Variants in FAM120A observed in about 807,000 individuals in gnomAD.
FAM120A encodes the protein constitutive coactivator of PPAR-gamma-like protein 1.
Under a neutral mutation model 109.7 loss-of-function variants are expected in FAM120A, and 15 were observed. That is an observed-to-expected ratio of 0.14 (90% CI 0.09 to 0.21). The LOEUF (loss-of-function observed/expected upper bound fraction) is 0.21. FAM120A is among the 10% of genes least tolerant of loss of function. The pLI, the probability that FAM120A is intolerant of heterozygous loss-of-function variation, is 1.00. For missense variants in FAM120A, 899 were observed against 1,439.3 expected (o/e 0.62, Z 6.07); for synonymous variants, 493 against 572.8 (o/e 0.86, Z 1.99).
In FAM120A at chr9:93,550,674, C is replaced by G; in HGVS notation, c.2257C>G (p.Gln753Glu). ...GTCCCCCAAACTCTACGAGCCTGATCAGCTCCAGGAGCTCAAGGTAATTTA... is the reference window on the plus strand; with the variant it reads ...GTCCCCCAAACTCTACGAGCCTGATGAGCTCCAGGAGCTCAAGGTAATTTA... Reference protein sequence around the residue: ...ALSPKLYEPDQLQELKIENLD... With the variant: ...ALSPKLYEPDELQELKIENLD... The change falls in exon 12 of 18, where the codon CAG (glutamine) becomes GAG (glutamate). Residue 753 changes from glutamine to glutamate, a missense_variant. Transcript: ENST00000277165. 1 of 1,613,766 alleles carries G rather than the reference C, an allele frequency of 6.2e-7. No homozygotes were observed. The highest frequency in any genetic ancestry group is 1.1e-5 in the South Asian group (1 of 91,072).
rs1015851461 is a variant in FAM120A, at chr9:93,500,992, A to G, written c.1030+2106A>G. 6.6e-6 allele frequency among the ~76,000 whole-genome samples: 1 copy of G among 152,262 alleles called. No homozygotes were observed. Among genetic ancestry groups the G allele is most frequent in the African/African-American group, 2.4e-5 (1 of 41,476 alleles). On this transcript the variant is annotated intron_variant, in intron 5 of 17. Transcript: ENST00000277165. This position sits in a 1 kb window ranked among gnomAD's most constrained non-coding sequence, Gnocchi z 4.6. ...AATGCCCTTTTAGGTAATTCTGCCT[A>G]TAAGAATAACAGATACTGTCTGATA...
chr9:93,472,539 T>C (rs1858355466), intron 2 of FAM120A, among the ~76,000 whole-genome samples: 1 of 152,234 alleles, frequency 6.6e-6, no homozygotes. Flanking sequence ...TTTGGGAAGC[T>C]GTGTGGTCTC....
chr9:93,515,932 TG>T lies in FAM120A; in HGVS notation c.1132-50del, dbSNP rs1170518934. 9.6e-5 allele frequency: 79 copies of T among 823,290 alleles called. No homozygotes were observed. The African/African-American group carries it at 1.3e-3, about 13-fold the overall frequency. The allele number at this position is 823,290 out of a possible 1,614,324, so 51.0% of individuals were successfully genotyped here. ...GAGCCAGGAAACGTCAGCCTGGGCC[TG>T]AGTCGGGTCCTGCTGGCCACGTGTG... is the stretch of plus-strand genomic sequence containing the variant. On this transcript the variant is annotated intron_variant, in intron 6 of 17. Transcript: ENST00000277165.
At chr9:93,467,774 C>T (rs1858114191) in intron 1 of FAM120A, among the ~76,000 whole-genome samples, 1 of 152,078 alleles carries the variant, frequency 6.6e-6, no homozygotes, top group African/African-American at 2.4e-5. Context: ...TTTTTAATGC[C>T]AATCTAAAGT....
chr9:93,557,702 CAT>C (rs1364667252), intron 13 of FAM120A, 123 bp from the exon 14 acceptor site: 1 of 943,534 alleles, frequency 1.1e-6, no homozygotes, highest in Admixed American at 3.1e-5. Context: ...AATTTGCAGA[CAT>C]AGAATTCATG....
chr9:93,492,815 G>A (rs1398333129), intron 3 of FAM120A, among the ~76,000 whole-genome samples: 1 of 152,190 alleles, frequency 6.6e-6, no homozygotes, highest in African/African-American at 2.4e-5. Context: ...TCACTTCAAG[G>A]ATCTTTTAGC....
rs771433603 is a variant in FAM120A at position 93,498,741 on chromosome 9, A to C, written c.934-49A>C. On this transcript the variant is annotated intron_variant, in intron 4 of 17. Coordinates refer to ENST00000277165, the MANE Select transcript of FAM120A (RefSeq NM_014612.5). The surrounding 1 kb of genome is among the most constrained non-coding windows in gnomAD (Gnocchi z 4.4). ...AATTATAAAAAACATTGTGATACAC[A>C]TGACCAGTGGCACACTAATTTATGA... 14 of 1,024,474 alleles carry C rather than the reference A, an allele frequency of 1.4e-5. No individual in the cohort carries two copies. Among genetic ancestry groups the C allele is most frequent in the Non-Finnish European group, 2.0e-5 (13 of 642,684 alleles). 63.5% of individuals were successfully genotyped at this position (1,024,474 alleles called of 1,614,324 possible). A position where few individuals can be genotyped will look rare whatever the true frequency, so the allele number is the denominator to read the frequency against.
At chr9:93,550,776 TG>T in intron 12 of FAM120A, 85 bp downstream of exon 12, 2 of 932,100 alleles carry the variant, frequency 2.1e-6, no homozygotes, top group Non-Finnish European at 3.4e-6. Flanking sequence ...CAGGCAGAAT[TG>T]CTAATTCTTT....
intron 11 of FAM120A, among the ~76,000 whole-genome samples, chr9:93,544,327 C>T (rs1274923008): frequency 6.6e-6 from 1 of 152,206 alleles, no homozygotes. Flanking sequence ...CAAAGAGCAG[C>T]CCTTGTTCCT....
At chr9:93,486,938 C>T (rs1859086576) in intron 3 of FAM120A, among the ~76,000 whole-genome samples, 1 of 152,164 alleles carries the variant, frequency 6.6e-6, no homozygotes, top group African/African-American at 2.4e-5. Flanking sequence ...CACATCCTTA[C>T]CAATGCTTGT....
chr9:93,544,507 G>A (rs1861814679), intron 11 of FAM120A, among the ~76,000 whole-genome samples: 1 of 152,178 alleles, frequency 6.6e-6, no homozygotes, highest in African/African-American at 2.4e-5. Context: ...ATTAGGTTTT[G>A]GAGTTGATTC....
chr9:93,507,435 GC>G (rs1428644027), intron 5 of FAM120A, among the ~76,000 whole-genome samples: 1 of 152,148 alleles, frequency 6.6e-6, no homozygotes. Flanking sequence ...ATGTTGAGGC[GC>G]CTTCTAGGAT....
Position 93,500,171 on chromosome 9 carries a change from T to C in FAM120A, c.1030+1285T>C, listed in dbSNP as rs1014431861. On this transcript the variant is annotated intron_variant, in intron 5 of 17. Transcript: ENST00000277165. The surrounding 1 kb of genome is among the most constrained non-coding windows in gnomAD (Gnocchi z 4.6). The stretch of plus-strand genomic sequence containing the variant: ...TCTTCCCAGCAGCCAAAGTAATGTT[T>C]AAAAATGGCAGTTGGACTGTGCTAC... 6.6e-6 allele frequency among the ~76,000 whole-genome samples: 1 copy of C among 152,220 alleles called. No individual in the cohort carries two copies. Among genetic ancestry groups the C allele is most frequent in the African/African-American group, 2.4e-5 (1 of 41,456 alleles).
At chr9:93,519,261 G>A (rs553465084) in intron 7 of FAM120A, among the ~76,000 whole-genome samples, 49 of 152,086 alleles carry the variant, frequency 3.2e-4, no homozygotes, top group Non-Finnish European at 5.7e-4. Context: ...ATTTTTTTGA[G>A]ATGGAATTTT....
intron 5 of FAM120A, among the ~76,000 whole-genome samples, chr9:93,511,490 C>T (rs778841026): frequency 4.1e-4 from 63 of 152,358 alleles, no homozygotes; most frequent in Non-Finnish European, 3.7e-4. Flanking sequence ...CCAGACGCCG[C>T]GCCCTCCCAC....
Position 93,549,702 on chromosome 9 carries a change from G to A in FAM120A, c.2160-875G>A, listed in dbSNP as rs147005269. ...TTTTGAGTTATTTGCCAGAGATCAC[G>A]TCGTAATCTATCATCAGAAGTTATT... On this transcript the variant is annotated intron_variant, in intron 11 of 17. Coordinates refer to ENST00000277165, the MANE Select transcript of FAM120A (RefSeq NM_014612.5). 2.6e-3 allele frequency among the ~76,000 whole-genome samples: 394 copies of A among 152,328 alleles called. 2 individuals carry two copies. The highest frequency in any genetic ancestry group is 8.7e-3 in the African/African-American group (362 of 41,566).
chr9:93,458,301 C>T (rs1316577605), intron 1 of FAM120A, among the ~76,000 whole-genome samples: 2 of 151,538 alleles, frequency 1.3e-5, no homozygotes. Flanking sequence ...TTGCCGCTCC[C>T]ACCGTCTGTC....
intron 11 of FAM120A, among the ~76,000 whole-genome samples, chr9:93,547,112 G>C (rs1861917181): frequency 6.6e-6 from 1 of 152,198 alleles, no homozygotes; most frequent in South Asian, 2.1e-4. Flanking sequence ...TCTGAGCAGA[G>C]GTTGCTGCAG....
At chr9:93,467,183 G>GCAAT (rs1043458239) in intron 1 of FAM120A, among the ~76,000 whole-genome samples, 1 of 148,886 alleles carries the variant, frequency 6.7e-6, no homozygotes, top group African/African-American at 2.5e-5. Flanking sequence ...CCACCCCTAG[G>GCAAT]CAATCGACTT....
Sources: gnomAD v4.1 joint callset for allele counts (sites outside exome capture counted in the v4.1 genomes callset) on GRCh38, gnomAD v4.1.1 for gene constraint, Gnocchi (gnomAD v3.1) non-coding constraint, MANE v1.5 for transcripts, NCBI Gene and HGNC (gene_info 2026-07-23, HGNC 2026-07-21) for gene names.